Variants in ZNF256 observed in about 807,000 individuals in gnomAD.
ZNF256 encodes the protein zinc finger protein 256.
ZNF256 carries 4 observed loss-of-function variants against 7.9 expected under a neutral mutation model. That is an observed-to-expected ratio of 0.50 (90% CI 0.25 to 1.15). The LOEUF (loss-of-function observed/expected upper bound fraction) is 1.15, where lower values mean the gene tolerates loss of function less well. Among genes scored for constraint, ZNF256 ranks in the 50% most tolerant of loss-of-function variants. The pLI is 0.15. For synonymous variants in ZNF256, 260 were observed against 260.4 expected (o/e 1.00, Z 0.02); for missense variants, 666 against 755.9 (o/e 0.88, Z 1.39).
intron 1 of ZNF256, 65 bp from the exon 2 acceptor site, chr19:57,944,125 C>T (rs376723093): frequency 1.4e-5 from 22 of 1,602,954 alleles, no homozygotes; most frequent in African/African-American, 1.3e-4. Flanking sequence ...AATCCTTCCC[C>T]TCACACATTT....
Position 57,947,444 on chromosome 19 carries a change from G to C in ZNF256, c.31C>G (p.Gln11Glu). Residue 11 changes from glutamine (Q) to glutamate (E), a missense_variant and splice_region_variant, in exon 1 of 3, where the codon CAG becomes GAG. Transcript: ENST00000282308. The part of the protein sequence containing the change: MAAAELTAPA[Q>E]GIVTFEDVAV... ...GGCCCAGAGGACGCGGCACATACCTGGGCCGGGGCCGTCAGCTCGGCCGCC... is the reference window on the plus strand; with the variant it reads ...GGCCCAGAGGACGCGGCACATACCTCGGCCGGGGCCGTCAGCTCGGCCGCC... 8.0e-6 allele frequency: 10 copies of C among 1,249,076 alleles called. No individual in the cohort carries two copies. The highest frequency in any genetic ancestry group is 1.0e-5 in the Non-Finnish European group (10 of 988,546). The allele number at this position is 1,249,076 out of a possible 1,614,324, so 77.4% of individuals were successfully genotyped here. A position where few individuals can be genotyped will look rare whatever the true frequency, so the allele number is the denominator to read the frequency against.
At chr19:57,947,413 G>T in intron 1 of ZNF256, 29 bp downstream of exon 1, 1 of 1,248,452 alleles carries the variant, frequency 8.0e-7, no homozygotes, top group Non-Finnish European at 1.0e-6. Flanking sequence ...TGGGGAGGGC[G>T]GGGAAGGCCC....
chr19:57,941,327 C>T lies in ZNF256; in HGVS notation c.1481G>A (p.Gly494Glu). ...VHTGARPYEC[G>E]ECGKSFTHSS... ...ATGAGTAAATGATTTCCCACACTCC[C>T]CACATTCATAAGGCCTTGCTCCAGT... The change falls in exon 3 of 3, where the codon GGG (glycine) becomes GAG (glutamate). Residue 494 changes from glycine to glutamate, a missense_variant. Transcript: ENST00000282308. 1.2e-6 allele frequency: 2 copies of T among 1,613,840 alleles called. No individual in the cohort carries two copies. Among genetic ancestry groups the T allele is most frequent in the Non-Finnish European group, 1.7e-6 (2 of 1,179,972 alleles).
At chr19:57,946,616 C>T (rs2072767917) in intron 1 of ZNF256, among the ~76,000 whole-genome samples, 1 of 152,118 alleles carries the variant, frequency 6.6e-6, no homozygotes, top group Admixed American at 6.6e-5. Flanking sequence ...ATTTTCCTTC[C>T]TCCTCCCTCA....
intron 1 of ZNF256, among the ~76,000 whole-genome samples, chr19:57,945,415 C>T (rs893278112): frequency 6.6e-6 from 1 of 152,078 alleles, no homozygotes; most frequent in African/African-American, 2.4e-5. Flanking sequence ...AAACCCACTA[C>T]AAAGTAATAA....
rs1417522627 is a variant in ZNF256 at position 57,942,594 on chromosome 19, G to A, written c.214C>T (p.Gln72Ter). The change falls in exon 3 of 3, where the codon CAG (glutamine) becomes TAG (stop). Residue 72 changes from glutamine to a stop codon, truncating the protein, a stop_gained. Transcript: ENST00000282308. LOFTEE classifies it low-confidence loss of function (END_TRUNC). ...EAPYQQSTSP[Q>*]RVSQVRIPKA... ...GGAATCCTAACCTGTGACACCCGCT[G>A]TGGAGAAGTGCTCTGCTGATAAGGT... 4 of 1,614,206 alleles carry A rather than the reference G, an allele frequency of 2.5e-6. No homozygotes were observed. The highest frequency in any genetic ancestry group is 3.4e-6 in the Non-Finnish European group (4 of 1,180,034).
At position 57,941,096 on chromosome 19, in the gene ZNF256, C is replaced by A; in HGVS notation, c.1712G>T (p.Gly571Val). The A allele has an allele frequency of 6.2e-7, 1 of 1,614,162 alleles. No individual in the cohort carries two copies. Among genetic ancestry groups the A allele is most frequent in the Non-Finnish European group, 8.5e-7 (1 of 1,180,018 alleles). Residue 571 changes from glycine (G) to valine (V), a missense_variant, in exon 3 of 3, where the codon GGA becomes GTA. Gly to Val is a moderately radical substitution (Grantham distance 109). Coordinates refer to ENST00000282308, the MANE Select transcript of ZNF256 (RefSeq NM_005773.3). ...TTCACTGCATTCATAAGGCCTTTCT[C>A]CGGTATGAACTCTTCGGTGTTTAAC... ...SLVKHRRVHT[G>V]ERPYECSECG...
chr19:57,942,025 G>A lies in ZNF256; in HGVS notation c.783C>T (p.His261=), dbSNP rs752925118. ...SCSLSDHLRV[H]TSEKPYTCGE... is the part of the protein sequence containing the mutation. ...CACATGTATAAGGCTTTTCTGAAGT[G>A]TGAACTCTCAAATGATCACTGAGGC... The change falls in exon 3 of 3, where the codon CAC becomes CAT. Residue 261 remains histidine (H), a synonymous_variant. Coordinates refer to ENST00000282308, the MANE Select transcript of ZNF256 (RefSeq NM_005773.3). 5 of 1,613,984 alleles carry A rather than the reference G, an allele frequency of 3.1e-6. No homozygotes were observed. The Admixed American group carries it at 8.3e-5, about 27-fold the overall frequency.
Position 57,942,438 on chromosome 19 carries a change from T to C in ZNF256, c.370A>G (p.Arg124Gly). ...TATGCAGTAAATTGTAATTGTTTCC[T>C]ACATGCCCCGTCTGTATACAGTTTC... ...GQKLYTDGAC[R>G]KQLQFTAYLH... Residue 124 changes from arginine to glycine, a missense_variant, in exon 3 of 3, where the codon AGG becomes GGG. Coordinates refer to ENST00000282308, the MANE Select transcript of ZNF256 (RefSeq NM_005773.3). 1 of 1,614,266 alleles carries C rather than the reference T, an allele frequency of 6.2e-7. No individual in the cohort carries two copies. The highest frequency in any genetic ancestry group is 2.2e-5 in the East Asian group (1 of 44,892).
chr19:57,941,632 A>G lies in ZNF256; in HGVS notation c.1176T>C (p.Cys392=), dbSNP rs1186978063. The stretch of plus-strand genomic sequence containing the variant: ...GAAGTCTCCGGTGTTTAATGAGGTG[A>G]CAGCTCTGGCTAAAGGATTTCCCAC... ...SECGKSFSQS[C]HLIKHRRLHI... is the part of the protein sequence containing the mutation. The change falls in exon 3 of 3, where the codon TGT becomes TGC. Residue 392 remains cysteine (C), a synonymous_variant. Transcript: ENST00000282308. 6.2e-7 allele frequency: 1 copy of G among 1,613,938 alleles called. No individual in the cohort carries two copies. Among genetic ancestry groups the G allele is most frequent in the Admixed American group, 1.7e-5 (1 of 60,010 alleles).
intron 1 of ZNF256, among the ~76,000 whole-genome samples, chr19:57,946,931 T>C (rs10426156): frequency 0.013 from 1,960 of 152,256 alleles, 42 homozygotes; most frequent in African/African-American, 0.044. Context: ...CAACTCTATA[T>C]ACCGGCTAAC....
In ZNF256 at chr19:57,942,504, T is replaced by A. The variant is rs764018027; in HGVS notation, c.304A>T (p.Ile102Phe). Residue 102 changes from isoleucine to phenylalanine, a missense_variant, in exon 3 of 3, where the codon ATT (isoleucine) becomes TTT (phenylalanine). Coordinates refer to ENST00000282308, the MANE Select transcript of ZNF256 (RefSeq NM_005773.3). The stretch of plus-strand genomic sequence containing the variant: ...CCTTGGTGTTCAACCAAGTGCAAAA[T>A]CTGTCTCAAGACTGGGCCACATATC... ...CEICGPVLRQ[I>F]LHLVEHQGTH... 6.2e-6 allele frequency: 10 copies of A among 1,614,190 alleles called. No individual in the cohort carries two copies. Among genetic ancestry groups the A allele is most frequent in the Non-Finnish European group, 8.5e-6 (10 of 1,180,040 alleles).
intron 1 of ZNF256, among the ~76,000 whole-genome samples, chr19:57,944,997 G>A (rs1417779874): frequency 1.3e-5 from 2 of 150,896 alleles, no homozygotes; most frequent in Admixed American, 6.6e-5. Context: ...CTGGGTTCAT[G>A]CCATTCTCCT....
In ZNF256 at chr19:57,942,132, G is replaced by C. The variant is rs765588580; in HGVS notation, c.676C>G (p.Arg226Gly). Residue 226 changes from arginine (R) to glycine (G), a missense_variant, in exon 3 of 3, where the codon CGT becomes GGT. Physicochemically the swap from Arg to Gly is moderately radical, Grantham distance 125. Coordinates refer to ENST00000282308, the MANE Select transcript of ZNF256 (RefSeq NM_005773.3). Reference sequence around the variant, plus strand: ...ATGAGGTCTCCCTGGTGCTGAACACGTACATGTTTGTAGCTGAAAGCTTTC... The same window carrying C: ...ATGAGGTCTCCCTGGTGCTGAACACCTACATGTTTGTAGCTGAAAGCTTTC... ...CVKAFSYKHV[R>G]VQHQGDLIRE... 1.9e-6 allele frequency: 3 copies of C among 1,614,190 alleles called. No homozygotes were observed. Among genetic ancestry groups the C allele is most frequent in the Non-Finnish European group, 2.5e-6 (3 of 1,180,038 alleles).
chr19:57,944,156 C>A, intron 1 of ZNF256, 96 bp from the exon 2 acceptor site: 1 of 1,539,790 alleles, frequency 6.5e-7, no homozygotes, highest in Non-Finnish European at 8.8e-7. Flanking sequence ...CATCCTCTTT[C>A]CAAGCTCTCC....
chr19:57,945,469 G>A (rs1015586690), intron 1 of ZNF256, among the ~76,000 whole-genome samples: 5 of 152,158 alleles, frequency 3.3e-5, no homozygotes, highest in African/African-American at 4.8e-5. Context: ...GATAAGAAGG[G>A]TTCATTTGGC....
chr19:57,943,321 C>A (rs1176879007), intron 2 of ZNF256, among the ~76,000 whole-genome samples: 1 of 152,012 alleles, frequency 6.6e-6, no homozygotes. Context: ...GGTGTTAGTC[C>A]CTAGGGCCAG....
Position 57,943,965 on chromosome 19 carries a change from C to A in ZNF256, c.129G>T (p.Met43Ile). 1 of 1,614,086 alleles carries A rather than the reference C, an allele frequency of 6.2e-7. No individual in the cohort carries two copies. Among genetic ancestry groups the A allele is most frequent in the East Asian group, 2.2e-5 (1 of 44,872 alleles). The change falls in exon 2 of 3, where the codon ATG becomes ATT. Residue 43 changes from methionine (M) to isoleucine (I), a missense_variant. Physicochemically the swap from Met to Ile is conservative, Grantham distance 10. Transcript: ENST00000282308. ...AGGTTGTAAGTGTCAAGTTCTCCAGCATCACATCGTGGTACAGGCATTTCT... is the reference window on the plus strand; with the variant it reads ...AGGTTGTAAGTGTCAAGTTCTCCAGAATCACATCGTGGTACAGGCATTTCT... ...EAQKCLYHDVMLENLTLTTSL... is the reference protein window; with the variant it reads ...EAQKCLYHDVILENLTLTTSL...
In ZNF256 at chr19:57,942,001, A is replaced by T; in HGVS notation, c.807T>A (p.Cys269Ter). Residue 269 changes from cysteine to a stop codon, truncating the protein, a stop_gained, in exon 3 of 3, where the codon TGT (cysteine) becomes TGA (stop). Transcript: ENST00000282308. LOFTEE classifies it low-confidence loss of function (END_TRUNC). ...RVHTSEKPYTCGECGKSYRQS... is the reference protein window; with the variant it reads ...RVHTSEKPYT ...GCCTATAGGATTTCCCACATTCTCC[A>T]CATGTATAAGGCTTTTCTGAAGTGT... 1 of 1,614,012 alleles carries T rather than the reference A, an allele frequency of 6.2e-7. No individual in the cohort carries two copies. Among genetic ancestry groups the T allele is most frequent in the Non-Finnish European group, 8.5e-7 (1 of 1,179,946 alleles).
Sources: gnomAD v4.1 joint callset for allele counts (sites outside exome capture counted in the v4.1 genomes callset) on GRCh38, gnomAD v4.1.1 for gene constraint, MANE v1.5 for transcripts, NCBI Gene and HGNC (gene_info 2026-07-23, HGNC 2026-07-21) for gene names.